Variants in UTP25 observed in about 807,000 individuals in gnomAD.
The protein encoded by UTP25 is UTP25 small subunit processome component, also known as U3 small nucleolar RNA-associated protein 25 homolog.
In UTP25, 50 loss-of-function variants were observed where a neutral mutation model predicts 78.9. The observed-to-expected ratio is 0.63, with a 90% confidence interval of 0.50 to 0.80. The LOEUF (loss-of-function observed/expected upper bound fraction) is 0.80, where lower values mean the gene tolerates loss of function less well. Among genes scored for constraint, UTP25 ranks in the 30% least tolerant of loss-of-function variants. The probability of loss-of-function intolerance (pLI) is 0.00; values close to 1 mark genes in which losing one functional copy is unlikely to be tolerated. For missense variants in UTP25, 846 were observed against 911.3 expected (o/e 0.93, Z 0.92); for synonymous variants, 329 against 336.5 (o/e 0.98, Z 0.24).
chr1:209,833,320 A>G lies in UTP25; in HGVS notation c.524A>G (p.Glu175Gly). The change falls in exon 4 of 12, where the codon GAG (glutamate) becomes GGG (glycine). Residue 175 changes from glutamate to glycine, a missense_variant. By Grantham distance (98) the Glu-to-Gly change is moderately conservative. Transcript: ENST00000491415. ...LFSLETNFLE[E>G]ESGDNSSLKA... Reference sequence around the variant, plus strand: ...AGCCTGGAAACCAATTTTCTGGAAGAGGAAAGTGGAGACAACTCTTCTTTG... The same window carrying G: ...AGCCTGGAAACCAATTTTCTGGAAGGGGAAAGTGGAGACAACTCTTCTTTG... 6.3e-7 allele frequency: 1 copy of G among 1,590,664 alleles called. No homozygotes were observed. The highest frequency in any genetic ancestry group is 1.2e-5 in the South Asian group (1 of 86,596).
At chr1:209,835,953 T>A (rs964382105) in intron 5 of UTP25, among the ~76,000 whole-genome samples, 1 of 152,188 alleles carries the variant, frequency 6.6e-6, no homozygotes, top group Admixed American at 6.5e-5. Context: ...GGTTCCTGTA[T>A]CTACTCCTGC....
chr1:209,848,035 G>T (rs2078208499), intron 11 of UTP25, among the ~76,000 whole-genome samples: 1 of 152,130 alleles, frequency 6.6e-6, no homozygotes, highest in South Asian at 2.1e-4. Context: ...TTGTTATTTA[G>T]ATCAGTGGTT....
chr1:209,829,889 T>G (rs756574096), intron 1 of UTP25, among the ~76,000 whole-genome samples: 7 of 152,240 alleles, frequency 4.6e-5, no homozygotes, highest in African/African-American at 7.2e-5. Context: ...CTTGTGTGAC[T>G]CTAGGGTTTG....
chr1:209,836,672 G>A (rs2078134788), intron 5 of UTP25, 129 bp from the exon 6 acceptor site: 1 of 975,208 alleles, frequency 1.0e-6, no homozygotes, highest in Admixed American at 2.7e-5. Context: ...TAACTACCTT[G>A]CAGGGCTGTT....
At chr1:209,848,075 G>A in intron 11 of UTP25, among the ~76,000 whole-genome samples, 1 of 152,088 alleles carries the variant, frequency 6.6e-6, no homozygotes, top group East Asian at 1.9e-4. Flanking sequence ...TAGAATAGAA[G>A]CTTTTAAAAA....
chr1:209,842,801 A>T (rs2078175406), intron 10 of UTP25, 106 bp downstream of exon 10: 1 of 749,878 alleles, frequency 1.3e-6, no homozygotes. Flanking sequence ...ATAACTACCA[A>T]ATCAGTTGAG....
rs963552425 is a variant in UTP25 at position 209,840,957 on chromosome 1, G to A, written c.1387G>A (p.Gly463Arg). The part of the protein sequence containing the change: ...LGLRTIIGGE[G>R]EKKRDFDFLS... Reference sequence around the variant, plus strand: ...CTTGAGGACCATCATTGGTGGAGAAGGAGAGAAGAAGAGAGATTTTGACTT... The same window carrying A: ...CTTGAGGACCATCATTGGTGGAGAAAGAGAGAAGAAGAGAGATTTTGACTT... The change falls in exon 8 of 12, where the codon GGA becomes AGA. Residue 463 changes from glycine to arginine, a missense_variant. By Grantham distance (125) the Gly-to-Arg change is moderately radical. Coordinates refer to ENST00000491415, the MANE Select transcript of UTP25 (RefSeq NM_014388.7). The A allele has an allele frequency of 6.2e-7, 1 of 1,614,102 alleles. No homozygotes were observed. Among genetic ancestry groups the A allele is most frequent in the African/African-American group, 1.3e-5 (1 of 75,038 alleles).
At position 209,856,422 on chromosome 1, in the gene UTP25, C is replaced by T. The variant is rs1032973571; in HGVS notation, c.*4975C>T. 3 of 152,228 alleles carry T rather than the reference C, an allele frequency of 2.0e-5. No individual in the cohort carries two copies. Among genetic ancestry groups the T allele is most frequent in the African/African-American group, 7.2e-5 (3 of 41,458 alleles). 9.4% of individuals were successfully genotyped at this position (152,228 alleles called of 1,614,324 possible). A position where few individuals can be genotyped will look rare whatever the true frequency, so the allele number is the denominator to read the frequency against. On this transcript the variant is annotated 3_prime_UTR_variant, in exon 12 of 12. Transcript: ENST00000491415. ...AAACTCAGAGGAGCACCACTTTTAC[C>T]TTCTGCTCTTCCCTTTTTCCTGCCT...
rs1300935973 is a variant in UTP25 at position 209,837,227 on chromosome 1, A to G, written c.1062+16A>G. The G allele has an allele frequency of 1.9e-6, 3 of 1,607,096 alleles. No homozygotes were observed. Among genetic ancestry groups the G allele is most frequent in the Admixed American group, 1.7e-5 (1 of 59,562 alleles). ...AAGGCCCAAGGTGAGTCCAGCAGGA[A>G]AGCTTTGCTCTCGAGGAGGTGGCTG... On this transcript the variant is annotated intron_variant, in intron 6 of 11. Coordinates refer to ENST00000491415, the MANE Select transcript of UTP25 (RefSeq NM_014388.7).
intron 11 of UTP25, among the ~76,000 whole-genome samples, chr1:209,847,485 A>G (rs559204579): frequency 2.0e-4 from 30 of 152,306 alleles, no homozygotes; most frequent in Non-Finnish European, 3.7e-4. Context: ...TGTAGCTCCT[A>G]AAAACAAAAA....
At position 209,849,147 on chromosome 1, in the gene UTP25, C is replaced by CTCAAAAT. The variant is rs540096680; in HGVS notation, c.2028-2056_2028-2055insCAAAATT. Among the ~76,000 whole-genome samples the CTCAAAAT allele has an allele frequency of 1.7e-4, 26 of 152,252 alleles. No individual in the cohort carries two copies. In the East Asian group the frequency reaches 4.5e-3, roughly 26 times the overall value. On this transcript the variant is annotated intron_variant, in intron 11 of 11. Transcript: ENST00000491415. ...ATGAAGTCGGGGGGAGGGGGTTCTC[C>CTCAAAAT]TGGTCCAGCTCAATTTTTGGCAGGC...
rs1183580793 is a variant in UTP25 at position 209,837,144 on chromosome 1, G to A, written c.995G>A (p.Arg332His). 4.3e-6 allele frequency: 7 copies of A among 1,614,104 alleles called. No individual in the cohort carries two copies. In the South Asian group the frequency reaches 4.4e-5, roughly 10 times the overall value. ...NAQVLGNNSR[R>H]RSQKFGVGDD... ...CAGGTGCTTGGCAACAATAGCAGAC[G>A]CCGAAGCCAGAAGTTTGGAGTGGGT... Residue 332 changes from arginine to histidine, a missense_variant, in exon 6 of 12, where the codon CGC (arginine) becomes CAC (histidine). Transcript: ENST00000491415.
At chr1:209,830,023 C>A in intron 1 of UTP25, 85 bp from the exon 2 acceptor site, 1 of 1,186,766 alleles carries the variant, frequency 8.4e-7, no homozygotes, top group Non-Finnish European at 1.2e-6. Context: ...TTATATTCTG[C>A]CTTTTTCATT....
chr1:209,839,229 TGCC>T, intron 7 of UTP25, 101 bp downstream of exon 7: 1 of 1,105,194 alleles, frequency 9.0e-7, no homozygotes, highest in Non-Finnish European at 1.3e-6. Flanking sequence ...TCACTCACTG[TGCC>T]TCTTTAACAG....
At chr1:209,850,061 C>T (rs996989390) in intron 11 of UTP25, among the ~76,000 whole-genome samples, 3 of 152,218 alleles carry the variant, frequency 2.0e-5, no homozygotes, top group Admixed American at 1.3e-4. Context: ...CACCAGCTCA[C>T]CACCTAATTC....
At chr1:209,835,722 A>G (rs1294774211) in intron 5 of UTP25, among the ~76,000 whole-genome samples, 2 of 152,130 alleles carry the variant, frequency 1.3e-5, no homozygotes, top group Admixed American at 6.5e-5. Context: ...TTATTGAGGG[A>G]ATAATTATAG....
chr1:209,836,259 G>A (rs17015326), intron 5 of UTP25, among the ~76,000 whole-genome samples: 9,632 of 152,016 alleles, frequency 0.063, 912 homozygotes, highest in African/African-American at 0.21. Context: ...TTTTAGATCA[G>A]CAATTTAGCT....
Position 209,854,742 on chromosome 1 carries a change from T to A in UTP25, c.*3295T>A, listed in dbSNP as rs2078263504. The A allele has an allele frequency of 6.6e-6, 1 of 152,332 alleles. No homozygotes were observed. Among genetic ancestry groups the A allele is most frequent in the Admixed American group, 6.5e-5 (1 of 15,286 alleles). The allele number at this position is 152,332 out of a possible 1,614,324, so 9.4% of individuals were successfully genotyped here. A position where few individuals can be genotyped will look rare whatever the true frequency, so the allele number is the denominator to read the frequency against. On this transcript the variant is annotated 3_prime_UTR_variant, in exon 12 of 12. Coordinates refer to ENST00000491415, the MANE Select transcript of UTP25 (RefSeq NM_014388.7). ...AAGAGTTGGAAGTTCTTTATAGTTGTCTGAAGAGCCTCATTGTCCAACTGC... is the reference window on the plus strand; with the variant it reads ...AAGAGTTGGAAGTTCTTTATAGTTGACTGAAGAGCCTCATTGTCCAACTGC...
At chr1:209,843,730 G>A (rs751184972) in intron 11 of UTP25, 34 bp downstream of exon 11, 2 of 1,601,442 alleles carry the variant, frequency 1.2e-6, no homozygotes, top group Non-Finnish European at 1.7e-6. Context: ...CCTCCTCTCT[G>A]AAGGGGAGGT....
Sources: gnomAD v4.1 joint callset for allele counts (sites outside exome capture counted in the v4.1 genomes callset) on GRCh38, gnomAD v4.1.1 for gene constraint, MANE v1.5 for transcripts, NCBI Gene and HGNC (gene_info 2026-07-23, HGNC 2026-07-21) for gene names.